Variants in BMP5 observed in about 807,000 individuals in gnomAD.
BMP5 encodes bone morphogenetic protein 5.
In BMP5, 23 loss-of-function variants were observed where a neutral mutation model predicts 46.6. That is an observed-to-expected ratio of 0.49 (90% CI 0.35 to 0.70). The LOEUF (loss-of-function observed/expected upper bound fraction) is 0.70, where lower values mean the gene tolerates loss of function less well. Ranked by LOEUF, BMP5 falls within the 30% of genes least tolerant of loss-of-function variation. BMP5 has a pLI of 0.00. For synonymous variants in BMP5, 204 were observed against 191.9 expected (o/e 1.06, Z -0.52); for missense variants, 545 against 565.6 (o/e 0.96, Z 0.37).
intron 2 of BMP5, among the ~76,000 whole-genome samples, chr6:55,818,890 A>G (rs970883976): frequency 2.0e-5 from 3 of 152,154 alleles, no homozygotes; most frequent in African/African-American, 7.2e-5. Flanking sequence ...ATATCACCTC[A>G]ATATAGGATT....
At chr6:55,836,370 A>C (rs542938366) in intron 1 of BMP5, among the ~76,000 whole-genome samples, 73 of 152,254 alleles carry the variant, frequency 4.8e-4, no homozygotes, top group African/African-American at 1.8e-3. Flanking sequence ...TATTTTGCAA[A>C]GACTAGAGAG....
At chr6:55,865,885 A>C (rs1777629338) in intron 1 of BMP5, among the ~76,000 whole-genome samples, 1 of 152,182 alleles carries the variant, frequency 6.6e-6, no homozygotes, top group African/African-American at 2.4e-5. Flanking sequence ...GGTTTGCTCA[A>C]GGATACGCAG....
intron 3 of BMP5, among the ~76,000 whole-genome samples, chr6:55,787,202 A>T (rs1469558638): frequency 6.6e-6 from 1 of 151,608 alleles, no homozygotes; most frequent in East Asian, 1.9e-4. Flanking sequence ...TCCCTGAGGT[A>T]AAAACCACTC....
chr6:55,776,363 A>G (rs191061243), intron 3 of BMP5, among the ~76,000 whole-genome samples: 1 of 151,742 alleles, frequency 6.6e-6, no homozygotes, highest in Non-Finnish European at 1.5e-5. Context: ...ACCCACTTCA[A>G]TACATAAACA....
intron 5 of BMP5, 29 bp from the exon 6 acceptor site, chr6:55,759,144 CAA>C (rs754365141): frequency 4.1e-4 from 35 of 85,078 alleles, no homozygotes; most frequent in African/African-American, 5.3e-4. Flanking sequence ...CACACACACA[CAA>C]AAAAAAAAAA....
At chr6:55,770,647 C>T (rs1775026849) in intron 4 of BMP5, among the ~76,000 whole-genome samples, 1 of 151,954 alleles carries the variant, frequency 6.6e-6, no homozygotes. Flanking sequence ...AGAGGCCTAG[C>T]TTTCAATCTA....
chr6:55,798,321 T>A (rs900194494), intron 2 of BMP5, among the ~76,000 whole-genome samples: 4 of 152,158 alleles, frequency 2.6e-5, no homozygotes, highest in African/African-American at 9.7e-5. Context: ...CTAATACTAA[T>A]ACATAATACT....
intron 1 of BMP5, among the ~76,000 whole-genome samples, chr6:55,854,361 A>T (rs1433547253): frequency 6.6e-6 from 1 of 152,102 alleles, no homozygotes; most frequent in Non-Finnish European, 1.5e-5. Flanking sequence ...TAATTGACCA[A>T]GATGTTGATA....
At chr6:55,795,363 T>TG (rs1775683331) in intron 2 of BMP5, among the ~76,000 whole-genome samples, 1 of 152,056 alleles carries the variant, frequency 6.6e-6, no homozygotes, top group Non-Finnish European at 1.5e-5. Flanking sequence ...CATTATGCAT[T>TG]TTATGACCTT....
intron 1 of BMP5, among the ~76,000 whole-genome samples, chr6:55,838,810 T>C (rs1306056063): frequency 1.3e-5 from 2 of 152,232 alleles, no homozygotes; most frequent in Non-Finnish European, 1.5e-5. Context: ...GCCATGCTTA[T>C]CTAGAACAAT....
intron 1 of BMP5, among the ~76,000 whole-genome samples, chr6:55,839,512 A>C (rs1225085442): frequency 6.6e-6 from 1 of 151,952 alleles, no homozygotes; most frequent in Non-Finnish European, 1.5e-5. Flanking sequence ...ACAGGCTCCC[A>C]ATATGTTGCC....
intron 1 of BMP5, among the ~76,000 whole-genome samples, chr6:55,869,447 C>T (rs1162246866): frequency 1.3e-5 from 2 of 151,888 alleles, no homozygotes; most frequent in African/African-American, 2.4e-5. Flanking sequence ...TCTCACTCTT[C>T]GTCTCTTTAT....
In BMP5 at chr6:55,760,525, T is replaced by A. The variant is rs765254368; in HGVS notation, c.1036A>T (p.Thr346Ser). The A allele has an allele frequency of 1.2e-6, 2 of 1,612,916 alleles. No homozygotes were observed. Among genetic ancestry groups the A allele is most frequent in the African/African-American group, 2.7e-5 (2 of 74,900 alleles). ...TTACAGGCTTGTTTTTGCTCACTTG[T>A]GTTATAATCTGAAGATAAAAACCAC... is the stretch of plus-strand genomic sequence containing the variant. ...SRMSSVGDYN[T>S]SEQKQACKKH... Residue 346 changes from threonine to serine, a missense_variant, in exon 5 of 7, where the codon ACA becomes TCA. Coordinates refer to ENST00000370830, the MANE Select transcript of BMP5 (RefSeq NM_021073.4).
chr6:55,797,737 C>G (rs1157799005), intron 2 of BMP5, among the ~76,000 whole-genome samples: 1 of 151,548 alleles, frequency 6.6e-6, no homozygotes, highest in African/African-American at 2.4e-5. Context: ...CTGCTTCAGC[C>G]TCCCGAGTAG....
At chr6:55,870,473 G>A (rs1777758147) in intron 1 of BMP5, among the ~76,000 whole-genome samples, 1 of 149,902 alleles carries the variant, frequency 6.7e-6, no homozygotes, top group South Asian at 2.1e-4. Flanking sequence ...CATAATTTAT[G>A]AATATATACT....
intron 1 of BMP5, among the ~76,000 whole-genome samples, chr6:55,833,802 G>C (rs1776719572): frequency 6.6e-6 from 1 of 152,028 alleles, no homozygotes; most frequent in African/African-American, 2.4e-5. Flanking sequence ...AATCATGCAG[G>C]ATATCCCATG....
At chr6:55,768,574 T>C (rs1471302256) in intron 4 of BMP5, among the ~76,000 whole-genome samples, 1 of 151,960 alleles carries the variant, frequency 6.6e-6, no homozygotes, top group South Asian at 2.1e-4. Flanking sequence ...TTTGGGTTTA[T>C]TGGGATATAA....
intron 5 of BMP5, among the ~76,000 whole-genome samples, chr6:55,759,727 A>T (rs1294189347): frequency 6.6e-6 from 1 of 151,970 alleles, no homozygotes; most frequent in East Asian, 1.9e-4. Flanking sequence ...AAATTTCGGG[A>T]AGCTAAAGAA....
rs1316586587 is a variant in BMP5 at position 55,843,179 on chromosome 6, T to C, written c.491-23332A>G. Among the ~76,000 whole-genome samples, 3 of 152,118 alleles carry C rather than the reference T, an allele frequency of 2.0e-5. No individual in the cohort carries two copies. In the East Asian group the frequency reaches 5.8e-4, roughly 29 times the overall value. On this transcript the variant is annotated intron_variant, in intron 1 of 6. Transcript: ENST00000370830. ...TATTACACCATGCAAAACACGTTTT[T>C]CTCTGATATCATAAGTTAGGATATA...
Sources: allele counts gnomAD v4.1 joint callset (sites outside exome capture counted in the v4.1 genomes callset), GRCh38; gene constraint gnomAD v4.1.1; transcripts MANE v1.5; gene names NCBI Gene and HGNC (gene_info 2026-07-23, HGNC 2026-07-21).